PPP1R12A: variants seen among roughly 807,000 people sequenced by gnomAD.
The protein encoded by PPP1R12A is myosin binding subunit.
Under a neutral mutation model 139.6 loss-of-function variants are expected in PPP1R12A, and 19 were observed. The observed-to-expected ratio is 0.14, with a 90% CI of 0.09 to 0.20. The LOEUF (loss-of-function observed/expected upper bound fraction) is 0.20. Ranked by LOEUF, PPP1R12A falls within the 10% of genes least tolerant of loss-of-function variation. PPP1R12A has a pLI of 1.00. For synonymous variants in PPP1R12A, 427 were observed against 420.6 expected (o/e 1.02, Z -0.19); for missense variants, 925 against 1,211.5 (o/e 0.76, Z 3.51).
intron 1 of PPP1R12A, among the ~76,000 whole-genome samples, chr12:79,879,329 T>C (rs970709616): frequency 2.6e-5 from 4 of 152,012 alleles, no homozygotes; most frequent in Non-Finnish European, 5.9e-5. Flanking sequence ...ATCACGCTAC[T>C]GAGCTCCAAG....
At chr12:79,781,769 A>C (rs1467406254) in intron 23 of PPP1R12A, 46 bp downstream of exon 23, 1 of 1,230,102 alleles carries the variant, frequency 8.1e-7, no homozygotes, top group African/African-American at 1.5e-5. Flanking sequence ...TTGTTTACCT[A>C]AAACAAGAAA....
chr12:79,808,191 C>T (rs772873103), intron 11 of PPP1R12A, among the ~76,000 whole-genome samples: 13 of 151,724 alleles, frequency 8.6e-5, no homozygotes, highest in Non-Finnish European at 1.5e-4. Flanking sequence ...TTCTTCTTTC[C>T]CCTTTCCTAA....
intron 8 of PPP1R12A, chr12:79,819,153 A>G (rs1446278796): frequency 2.6e-5 from 4 of 152,216 alleles, no homozygotes; most frequent in African/African-American, 9.6e-5. Context: ...GTAGAGAGCA[A>G]TTAGTACGTT....
In PPP1R12A at chr12:79,793,905, T is replaced by C; in HGVS notation, c.2607A>G (p.Gln869=). 1.3e-6 allele frequency: 2 copies of C among 1,593,522 alleles called. No homozygotes were observed. ...TQDSDENEQE[Q]QSDTEEGSNK... The stretch of plus-strand genomic sequence containing the variant: ...TGGATCCCTCTTCTGTGTCTGATTG[T>C]TGTTCTTGTTCATTTTCATCACTCT... Residue 869 remains glutamine, a synonymous_variant, in exon 19 of 25, where the codon CAA becomes CAG. Coordinates refer to ENST00000450142, the MANE Select transcript of PPP1R12A (RefSeq NM_002480.3).
At chr12:79,849,404 A>C (rs1252472857) in intron 2 of PPP1R12A, among the ~76,000 whole-genome samples, 2 of 152,138 alleles carry the variant, frequency 1.3e-5, no homozygotes, top group Non-Finnish European at 2.9e-5. Context: ...GGAAAAAAAA[A>C]AGAAAGAAAG....
At chr12:79,857,297 T>C (rs12811303) in intron 2 of PPP1R12A, among the ~76,000 whole-genome samples, 15,635 of 151,804 alleles carry the variant, frequency 0.1, 2,163 homozygotes, top group African/African-American at 0.32. Flanking sequence ...ATGGATGAAA[T>C]TGGAAATCAT....
Position 79,781,867 on chromosome 12 carries a change from A to C in PPP1R12A, c.2908-5T>G, listed in dbSNP as rs771817694. On this transcript the variant is annotated splice_polypyrimidine_tract_variant and splice_region_variant and intron_variant, in intron 22 of 24. Transcript: ENST00000450142. ...ATCAGCAAATCTTTCTTGTCTCTGC[A>C]ACAAAGTAAGAAATTATAAAAGAGA... 1 of 1,534,742 alleles carries C rather than the reference A, an allele frequency of 6.5e-7. No individual in the cohort carries two copies. The highest frequency in any genetic ancestry group is 1.2e-5 in the South Asian group (1 of 80,842).
chr12:79,933,654 A>T (rs1057082612), intron 1 of PPP1R12A, among the ~76,000 whole-genome samples: 2 of 152,256 alleles, frequency 1.3e-5, no homozygotes, highest in African/African-American at 4.8e-5. Flanking sequence ...ACCGTCACTT[A>T]AAAATTGCTT....
At chr12:79,825,082 G>T (rs973477137) in intron 5 of PPP1R12A, 3 of 152,098 alleles carry the variant, frequency 2.0e-5, no homozygotes, top group Admixed American at 6.5e-5. Context: ...CTCAGTCTGC[G>T]TGCATGGTAT....
chr12:79,929,349 G>A (rs1888081912), intron 1 of PPP1R12A, among the ~76,000 whole-genome samples: 1 of 152,162 alleles, frequency 6.6e-6, no homozygotes, highest in Non-Finnish European at 1.5e-5. Flanking sequence ...CCGCTCTAGA[G>A]GATCTAGCTC....
At chr12:79,853,028 C>T (rs1880241229) in intron 2 of PPP1R12A, among the ~76,000 whole-genome samples, 1 of 152,150 alleles carries the variant, frequency 6.6e-6, no homozygotes, top group Non-Finnish European at 1.5e-5. Flanking sequence ...AATTAAAGTC[C>T]CAACTCTGTA....
intron 3 of PPP1R12A, among the ~76,000 whole-genome samples, chr12:79,836,671 G>C (rs1490032777): frequency 6.6e-6 from 1 of 152,068 alleles, no homozygotes; most frequent in Non-Finnish European, 1.5e-5. Flanking sequence ...CTACCGATTA[G>C]AGTATGTAGA....
chr12:79,804,645 T>TA (rs576712469), intron 14 of PPP1R12A, among the ~76,000 whole-genome samples: 4,969 of 145,262 alleles, frequency 0.034, 239 homozygotes, highest in African/African-American at 0.11. Context: ...AGTATTTTAG[T>TA]AAAAAAAAAA....
intron 9 of PPP1R12A, among the ~76,000 whole-genome samples, chr12:79,816,195 C>T (rs1240908452): frequency 6.6e-6 from 1 of 151,690 alleles, no homozygotes; most frequent in East Asian, 1.9e-4. Context: ...CCAAGTGGAC[C>T]CCTGATTTTA....
intron 8 of PPP1R12A, among the ~76,000 whole-genome samples, chr12:79,819,766 C>A (rs1284644069): frequency 6.6e-6 from 1 of 151,876 alleles, no homozygotes; most frequent in Non-Finnish European, 1.5e-5. Context: ...AAATAGTTAA[C>A]CCTACAAAAA....
chr12:79,782,141 G>A (rs1405654790), intron 22 of PPP1R12A: 3 of 236,788 alleles, frequency 1.3e-5, no homozygotes, highest in Non-Finnish European at 2.4e-5. Context: ...GAGTGAGTAT[G>A]TGGAAGAAAA....
At chr12:79,861,449 T>C (rs146244643) in intron 2 of PPP1R12A, among the ~76,000 whole-genome samples, 30 of 152,216 alleles carry the variant, frequency 2.0e-4, no homozygotes, top group East Asian at 7.8e-4. Context: ...CTTCATCTCA[T>C]TGGGACTGGT....
chr12:79,782,767 C>G (rs1870621260), intron 22 of PPP1R12A, among the ~76,000 whole-genome samples: 1 of 152,178 alleles, frequency 6.6e-6, no homozygotes, highest in South Asian at 2.1e-4. Context: ...TGCTGAATAA[C>G]CAATTTTACT....
chr12:79,908,889 T>A (rs1260300766), intron 1 of PPP1R12A, among the ~76,000 whole-genome samples: 1 of 152,194 alleles, frequency 6.6e-6, no homozygotes, highest in Non-Finnish European at 1.5e-5. Flanking sequence ...CAGAACACAT[T>A]AGCTGGCAAG....
Sources: allele counts gnomAD v4.1 joint callset (sites outside exome capture counted in the v4.1 genomes callset), GRCh38; gene constraint gnomAD v4.1.1; transcripts MANE v1.5; gene names NCBI Gene and HGNC (gene_info 2026-07-23, HGNC 2026-07-21).